Variants in RFX5 observed in about 807,000 individuals in gnomAD.
RFX5 encodes the protein regulatory factor X5.
Under a neutral mutation model 41.2 loss-of-function variants are expected in RFX5, and 30 were observed. That is an observed-to-expected ratio of 0.73 (90% CI 0.54 to 0.99). The LOEUF (loss-of-function observed/expected upper bound fraction) is 0.99, where lower values mean the gene tolerates loss of function less well. RFX5 is among the 50% of genes least tolerant of loss of function. RFX5 has a pLI of 0.00. For missense variants in RFX5, 715 were observed against 773.6 expected (o/e 0.92, Z 0.90); for synonymous variants, 231 against 291.8 (o/e 0.79, Z 2.12).
In RFX5 at chr1:151,343,692, A is replaced by G; in HGVS notation, c.746T>C (p.Met249Thr). The G allele has an allele frequency of 1.2e-6, 2 of 1,614,106 alleles. No individual in the cohort carries two copies. The highest frequency in any genetic ancestry group is 1.7e-6 in the Non-Finnish European group (2 of 1,180,008). Residue 249 changes from methionine to threonine, a missense_variant, in exon 9 of 11, where the codon ATG becomes ACG. By Grantham distance (81) the Met-to-Thr change is moderately conservative. Coordinates refer to ENST00000452671, the MANE Select transcript of RFX5 (RefSeq NM_001025603.2). ...RSAHAHVLKA[M>T]GLAEEDEHAP... ...GAGGGTCAACACACCAGCGAGCCCC[A>G]TGGCCTTAAGCACATGGGCATGTGC...
At chr1:151,344,682 C>T (rs1650841544) in intron 6 of RFX5, 46 bp downstream of exon 6, 1 of 1,552,228 alleles carries the variant, frequency 6.4e-7, no homozygotes, top group East Asian at 2.4e-5. Flanking sequence ...TGAGGGGGTC[C>T]TATGCCCACC....
chr1:151,342,000 G>GT lies in RFX5; in HGVS notation c.*185dup. ...TTTATTGGTTACACTAAAGCCCAGG[G>GT]TATCAAGCTGAAAAGGTCAGAGGCA... is the stretch of plus-strand genomic sequence containing the variant. On this transcript the variant is annotated 3_prime_UTR_variant, in exon 11 of 11. Coordinates refer to ENST00000452671, the MANE Select transcript of RFX5 (RefSeq NM_001025603.2). The GT allele has an allele frequency of 1.3e-6, 1 of 779,266 alleles. No individual in the cohort carries two copies. Among genetic ancestry groups the GT allele is most frequent in the South Asian group, 1.5e-5 (1 of 68,736 alleles). 48.3% of individuals were successfully genotyped at this position (779,266 alleles called of 1,614,324 possible).
Position 151,345,347 on chromosome 1 carries a change from C to T in RFX5, c.151-159G>A, listed in dbSNP as rs143195732. ...TGACAAGGCCGGGCACGGTGGCTCA[C>T]GCCTACAATCCCAGCACTTTGGAAG... On this transcript the variant is annotated intron_variant, in intron 4 of 10. Coordinates refer to ENST00000452671, the MANE Select transcript of RFX5 (RefSeq NM_001025603.2). 2,072 of 609,812 alleles carry T rather than the reference C, an allele frequency of 3.4e-3. 9 individuals are homozygous for T. The highest frequency in any genetic ancestry group is 4.5e-3 in the Non-Finnish European group (1,513 of 332,814). The allele number at this position is 609,812 out of a possible 1,614,324, so 37.8% of individuals were successfully genotyped here.
At position 151,345,011 on chromosome 1, in the gene RFX5, G is replaced by C. The variant is rs2233848; in HGVS notation, c.233+95C>G. The C allele has an allele frequency of 1.9e-4, 287 of 1,509,826 alleles. 1 individual carries two copies. The East Asian group carries it at 3.7e-3, about 19-fold the overall frequency. The allele number at this position is 1,509,826 out of a possible 1,614,324, so 93.5% of individuals were successfully genotyped here. A position where few individuals can be genotyped will look rare whatever the true frequency, so the allele number is the denominator to read the frequency against. ...GGACCTTTCCTCTTCATCAAGGACA[G>C]CATTTACGAGTATTCCTATTCACCT... On this transcript the variant is annotated intron_variant, in intron 5 of 10. Transcript: ENST00000452671.
rs1320255535 is a variant in RFX5, at chr1:151,342,595, G to A, written c.1442C>T (p.Ser481Phe). Reference protein sequence around the residue: ...KKSGGSGERNSTPLKSAAAME... With the variant: ...KKSGGSGERNFTPLKSAAAME... ...GGCAGCTGCTGACTTGAGAGGGGTA[G>A]AATTCCTTTCCCCACTTCCACCTGA... is the stretch of plus-strand genomic sequence containing the variant. The change falls in exon 11 of 11, where the codon TCT (serine) becomes TTT (phenylalanine). Residue 481 changes from serine (S) to phenylalanine (F), a missense_variant. Transcript: ENST00000452671. 6.2e-7 allele frequency: 1 copy of A among 1,614,082 alleles called. No individual in the cohort carries two copies. The highest frequency in any genetic ancestry group is 8.5e-7 in the Non-Finnish European group (1 of 1,180,044).
At chr1:151,344,016 T>G (rs1650765209) in intron 8 of RFX5, 134 bp from the exon 9 acceptor site, 1 of 1,125,294 alleles carries the variant, frequency 8.9e-7, no homozygotes, top group Non-Finnish European at 1.3e-6. Context: ...CCTATCCCAT[T>G]GCAGAAGCCC....
chr1:151,341,964 G>A lies in RFX5; in HGVS notation c.*222C>T. 1 of 717,742 alleles carries A rather than the reference G, an allele frequency of 1.4e-6. No individual in the cohort carries two copies. Among genetic ancestry groups the A allele is most frequent in the Non-Finnish European group, 2.6e-6 (1 of 388,178 alleles). The allele number at this position is 717,742 out of a possible 1,614,324, so 44.5% of individuals were successfully genotyped here. ...GGATAGCACAGGGAATACAGGTAAG[G>A]TCACTACAGATTTATTGGTTACACT... On this transcript the variant is annotated 3_prime_UTR_variant, in exon 11 of 11. Coordinates refer to ENST00000452671, the MANE Select transcript of RFX5 (RefSeq NM_001025603.2).
rs1013912855 is a variant in RFX5 at position 151,346,113 on chromosome 1, C to T, written c.116+92G>A. The T allele has an allele frequency of 2.0e-5, 31 of 1,553,766 alleles. No homozygotes were observed. The Admixed American group carries it at 5.0e-4, about 25-fold the overall frequency. ...ATCTCCCTCTGCTCCCATGCCCTTG[C>T]TGAGAGGCAGTTCATCTACAGCCAA... On this transcript the variant is annotated intron_variant, in intron 3 of 10. Transcript: ENST00000452671.
At position 151,341,305 on chromosome 1, in the gene RFX5, G is replaced by A. The variant is rs1245339817; in HGVS notation, c.*881C>T. 2.0e-5 allele frequency: 3 copies of A among 152,342 alleles called. No individual in the cohort carries two copies. Among genetic ancestry groups the A allele is most frequent in the Admixed American group, 2.0e-4 (3 of 15,276 alleles). 9.4% of individuals were successfully genotyped at this position (152,342 alleles called of 1,614,324 possible). A position where few individuals can be genotyped will look rare whatever the true frequency, so the allele number is the denominator to read the frequency against. ...GAAACGAGGAAAGAGGCTACAGCTT[G>A]TATTGAGGGAAATGCAAGACTGAGG... On this transcript the variant is annotated 3_prime_UTR_variant, in exon 11 of 11. Coordinates refer to ENST00000452671, the MANE Select transcript of RFX5 (RefSeq NM_001025603.2).
intron 9 of RFX5, 30 bp downstream of exon 9, chr1:151,343,651 T>C: frequency 6.2e-7 from 1 of 1,608,014 alleles, no homozygotes; most frequent in African/African-American, 1.3e-5. Flanking sequence ...TGGCTCAGGG[T>C]TGCTGAGACA....
chr1:151,345,418 G>A (rs1650929131), intron 4 of RFX5: 2 of 435,630 alleles, frequency 4.6e-6, no homozygotes, highest in Non-Finnish European at 8.6e-6. Flanking sequence ...GACCATCCTG[G>A]CTAACATGGT....
At position 151,343,460 on chromosome 1, in the gene RFX5, AG is replaced by A; in HGVS notation, c.758-19del. On this transcript the variant is annotated intron_variant, in intron 9 of 10. Coordinates refer to ENST00000452671, the MANE Select transcript of RFX5 (RefSeq NM_001025603.2). ...GTCCTCTTCTGCAGAGGTACCAAAA[AG>A]GTAATAGAGTGAAGGTGAGGAGGAA... 1 of 1,610,486 alleles carries A rather than the reference AG, an allele frequency of 6.2e-7. No individual in the cohort carries two copies. Among genetic ancestry groups the A allele is most frequent in the African/African-American group, 1.3e-5 (1 of 74,964 alleles).
rs543941460 is a variant in RFX5 at position 151,344,398 on chromosome 1, C to T, written c.473+19G>A. ...TTCCTCCCAGGTCCTCCACCCCCAA[C>T]CTCTCTAGTCAAGGATACTTGGACT... On this transcript the variant is annotated intron_variant, in intron 7 of 10. Coordinates refer to ENST00000452671, the MANE Select transcript of RFX5 (RefSeq NM_001025603.2). 1.9e-6 allele frequency: 3 copies of T among 1,614,226 alleles called. No individual in the cohort carries two copies. Among genetic ancestry groups the T allele is most frequent in the South Asian group, 2.2e-5 (2 of 91,074 alleles).
At chr1:151,344,703 T>TCCCCCCCCCCCCCCCC in intron 6 of RFX5, 25 bp downstream of exon 6, 6 of 1,515,634 alleles carry the variant, frequency 4.0e-6, no homozygotes, top group Non-Finnish European at 4.5e-6. Context: ...AATCCACTCA[T>TCCCCCCCCCCCCCCCC]CCCACCACCC....
rs763805383 is a variant in RFX5 at position 151,342,042 on chromosome 1, T to C, written c.*144A>G. ...TCAGAGGCAGCAACCAGGTACTAAG[T>C]AGACTGGGTGACTCAGCTGTCTGTA... On this transcript the variant is annotated 3_prime_UTR_variant, in exon 11 of 11. Coordinates refer to ENST00000452671, the MANE Select transcript of RFX5 (RefSeq NM_001025603.2). 1.0e-5 allele frequency: 12 copies of C among 1,172,602 alleles called. No homozygotes were observed. Among genetic ancestry groups the C allele is most frequent in the Non-Finnish European group, 1.4e-5 (11 of 792,072 alleles). The allele number at this position is 1,172,602 out of a possible 1,614,324, so 72.6% of individuals were successfully genotyped here.
At position 151,342,075 on chromosome 1, in the gene RFX5, G is replaced by A. The variant is rs761826673; in HGVS notation, c.*111C>T. On this transcript the variant is annotated 3_prime_UTR_variant, in exon 11 of 11. Coordinates refer to ENST00000452671, the MANE Select transcript of RFX5 (RefSeq NM_001025603.2). ...GTGACTCAGCTGTCTGTACAGAGGA[G>A]AATGGACTTCCTTAGGAAAAGAATA... 6.7e-7 allele frequency: 1 copy of A among 1,490,740 alleles called. No individual in the cohort carries two copies. Among genetic ancestry groups the A allele is most frequent in the South Asian group, 1.1e-5 (1 of 86,980 alleles). The allele number at this position is 1,490,740 out of a possible 1,614,324, so 92.3% of individuals were successfully genotyped here. A position where few individuals can be genotyped will look rare whatever the true frequency, so the allele number is the denominator to read the frequency against.
At chr1:151,344,110 G>A (rs2102064809) in intron 8 of RFX5, 87 bp downstream of exon 8, 2 of 1,326,606 alleles carry the variant, frequency 1.5e-6, no homozygotes, top group South Asian at 1.2e-5. Context: ...TAATGACTGA[G>A]GCTGTTAGCC....
chr1:151,341,866 T>C lies in RFX5; in HGVS notation c.*320A>G, dbSNP rs1650465772. 4.2e-6 allele frequency: 2 copies of C among 479,882 alleles called. No homozygotes were observed. Among genetic ancestry groups the C allele is most frequent in the African/African-American group, 4.0e-5 (2 of 50,492 alleles). 29.7% of individuals were successfully genotyped at this position (479,882 alleles called of 1,614,324 possible). ...TATTTTAAGCCAGTTTGAATTAGGT[T>C]TTCTGTGATTTAAAACCAAAAGATC... On this transcript the variant is annotated 3_prime_UTR_variant, in exon 11 of 11. Transcript: ENST00000452671.
rs1349117586 is a variant in RFX5, at chr1:151,341,090, CTT to C, written c.*1094_*1095del. 2.0e-5 allele frequency: 3 copies of C among 152,448 alleles called. No individual in the cohort carries two copies. Among genetic ancestry groups the C allele is most frequent in the African/African-American group, 7.2e-5 (3 of 41,420 alleles). 9.4% of individuals were successfully genotyped at this position (152,448 alleles called of 1,614,324 possible). On this transcript the variant is annotated 3_prime_UTR_variant, in exon 11 of 11. Coordinates refer to ENST00000452671, the MANE Select transcript of RFX5 (RefSeq NM_001025603.2). ...AGATTTAATGAAATGGCTAGGAAGT[CTT>C]TCACTCTAGTTGGTGGAACTGGCAA...
Sources: allele counts gnomAD v4.1 joint callset, GRCh38; gene constraint gnomAD v4.1.1; transcripts MANE v1.5; gene names NCBI Gene and HGNC (gene_info 2026-07-23, HGNC 2026-07-21).